AK7: variants seen among roughly 807,000 people sequenced by gnomAD.
AK7 encodes adenylate kinase 7, also known as ATP-AMP transphosphorylase 7.
A neutral mutation model predicts 96.6 loss-of-function variants in AK7; 78 were observed. The observed-to-expected ratio is 0.81, with a 90% CI of 0.67 to 0.97. AK7 has a LOEUF of 0.97. AK7 is among the 50% of genes least tolerant of loss of function. AK7 has a pLI of 0.00. For missense variants in AK7, 855 were observed against 887.9 expected (o/e 0.96, Z 0.47); for synonymous variants, 302 against 317.2 (o/e 0.95, Z 0.51).
intron 7 of AK7, 32 bp from the exon 8 acceptor site, chr14:96,446,485 C>G: frequency 6.3e-7 from 1 of 1,596,670 alleles, no homozygotes; most frequent in Non-Finnish European, 8.6e-7. Flanking sequence ...CGCTTTTTCC[C>G]TTTGATGATT....
chr14:96,453,907 C>A (rs1038469766), intron 10 of AK7, among the ~76,000 whole-genome samples: 5 of 152,120 alleles, frequency 3.3e-5, no homozygotes, highest in Non-Finnish European at 7.3e-5. Flanking sequence ...CACTGCACCT[C>A]TCCAGGGGCC....
Position 96,452,575 on chromosome 14 carries a change from G to A in AK7, c.1098+1005G>A, listed in dbSNP as rs184354693. On this transcript the variant is annotated intron_variant, in intron 10 of 17. Transcript: ENST00000267584. ...TCCTGGCCTCAAGCGATCCGCCTGC[G>A]TTGGCCTCCCAAAGTGCTGGGATTA... is the stretch of plus-strand genomic sequence containing the variant. Among the ~76,000 whole-genome samples the A allele has an allele frequency of 1.2e-3, 185 of 152,286 alleles. 1 individual carries two copies. Among genetic ancestry groups the A allele is most frequent in the African/African-American group, 4.1e-3 (171 of 41,564 alleles).
At chr14:96,457,330 G>A (rs772249311) in intron 11 of AK7, among the ~76,000 whole-genome samples, 1 of 152,072 alleles carries the variant, frequency 6.6e-6, no homozygotes, top group African/African-American at 2.4e-5. Flanking sequence ...CAAAGTGCTG[G>A]GATTACAAGT....
chr14:96,456,259 A>AGC, intron 10 of AK7, 88 bp from the exon 11 acceptor site: 18 of 931,392 alleles, frequency 1.9e-5, no homozygotes, highest in Non-Finnish European at 2.4e-5. Flanking sequence ...AAAAAAAAAA[A>AGC]AAGCACTCCC....
At chr14:96,467,527 A>G (rs980395400) in intron 12 of AK7, among the ~76,000 whole-genome samples, 2 of 152,012 alleles carry the variant, frequency 1.3e-5, no homozygotes, top group African/African-American at 4.8e-5. Flanking sequence ...TAGTAGATAC[A>G]CGGGGTTTCA....
At chr14:96,478,923 T>G (rs1382813494) in intron 15 of AK7, among the ~76,000 whole-genome samples, 12 of 150,158 alleles carry the variant, frequency 8.0e-5, no homozygotes, top group Admixed American at 4.6e-4. Flanking sequence ...TTTTTTTTTG[T>G]GGGGGGATGG....
In AK7 at chr14:96,392,275, G is replaced by GGCA; in HGVS notation, c.105+18_105+19insAGC. ...CATCGGGAAGGTGAGCGGCGGCGGC[G>GGCA]GCCCAGAGCCTCACGCCAGCTCTCA... is the stretch of plus-strand genomic sequence containing the variant. On this transcript the variant is annotated intron_variant, in intron 1 of 17. Transcript: ENST00000267584. 1 of 1,598,474 alleles carries GGCA rather than the reference G, an allele frequency of 6.3e-7. No homozygotes were observed. Among genetic ancestry groups the GGCA allele is most frequent in the Non-Finnish European group, 8.6e-7 (1 of 1,166,446 alleles).
chr14:96,420,933 G>T lies in AK7; in HGVS notation c.609+1G>T. 1 of 1,585,526 alleles carries T rather than the reference G, an allele frequency of 6.3e-7. No homozygotes were observed. The highest frequency in any genetic ancestry group is 8.7e-7 in the Non-Finnish European group (1 of 1,154,460). On this transcript the variant is annotated splice_donor_variant, in intron 5 of 17. Transcript: ENST00000267584. LOFTEE classifies it high-confidence loss of function. ...AATGGTTCTCAAATTTGGAAAAAAGGTAAGTCTGGCATAGTGGAACATGGA... is the reference window on the plus strand; with the variant it reads ...AATGGTTCTCAAATTTGGAAAAAAGTTAAGTCTGGCATAGTGGAACATGGA...
rs1478365239 is a variant in AK7, at chr14:96,486,982, T to C, written c.2059T>C (p.Tyr687His). The C allele has an allele frequency of 1.5e-5, 24 of 1,614,036 alleles. No homozygotes were observed. The highest frequency in any genetic ancestry group is 1.8e-5 in the Non-Finnish European group (21 of 1,179,998). Reference sequence around the variant, plus strand: ...TCCCCTGAGAAACTATTTAATGACCTATGTGATGCCAACTCTTATTCAGGG... The same window carrying C: ...TCCCCTGAGAAACTATTTAATGACCCATGTGATGCCAACTCTTATTCAGGG... ...SIPLRNYLMTYVMPTLIQGLN... is the reference protein window; with the variant it reads ...SIPLRNYLMTHVMPTLIQGLN... Residue 687 changes from tyrosine to histidine, a missense_variant, in exon 17 of 18, where the codon TAT (tyrosine) becomes CAT (histidine). Transcript: ENST00000267584.
intron 7 of AK7, among the ~76,000 whole-genome samples, chr14:96,445,823 T>C (rs537453182): frequency 6.6e-6 from 1 of 152,214 alleles, no homozygotes; most frequent in Non-Finnish European, 1.5e-5. Flanking sequence ...TAGACATCTA[T>C]TCACTGTTGT....
chr14:96,462,919 C>T (rs912253291), intron 12 of AK7, among the ~76,000 whole-genome samples: 2 of 152,054 alleles, frequency 1.3e-5, no homozygotes, highest in African/African-American at 4.8e-5. Context: ...GGGCGGATCA[C>T]GAGGTCAGAA....
intron 5 of AK7, among the ~76,000 whole-genome samples, chr14:96,428,795 C>T (rs4598833): frequency 0.07 from 10,655 of 151,236 alleles, 1,291 homozygotes; most frequent in African/African-American, 0.25. Flanking sequence ...CCTTCGCCCA[C>T]TTTTTGATGG....
At chr14:96,452,483 A>G (rs1893661897) in intron 10 of AK7, among the ~76,000 whole-genome samples, 1 of 151,154 alleles carries the variant, frequency 6.6e-6, no homozygotes, top group Non-Finnish European at 1.5e-5. Context: ...GCACCATCAC[A>G]TCTGGTTAAT....
At position 96,456,312 on chromosome 14, in the gene AK7, G is replaced by A. The variant is rs545656757; in HGVS notation, c.1099-35G>A. ...TCTGTCTAGCTACAGATCATTCAGA[G>A]CTTGCTGTATGTTCCTTACTCTCTC... On this transcript the variant is annotated intron_variant, in intron 10 of 17. Transcript: ENST00000267584. The A allele has an allele frequency of 3.6e-5, 57 of 1,576,810 alleles. No homozygotes were observed. The South Asian group carries it at 5.2e-4, about 14-fold the overall frequency.
intron 17 of AK7, among the ~76,000 whole-genome samples, chr14:96,487,393 A>AG (rs1895834285): frequency 1.4e-5 from 2 of 146,020 alleles, no homozygotes; most frequent in Non-Finnish European, 3.0e-5. Context: ...CAAAAAAAAA[A>AG]AAAAAAAGAA....
At chr14:96,423,906 G>T in intron 5 of AK7, 1 of 1,037,220 alleles carries the variant, frequency 9.6e-7, no homozygotes, top group Non-Finnish European at 1.5e-6. Context: ...CACATAATCC[G>T]GAGAGGACTG....
rs148054558 is a variant in AK7, at chr14:96,442,656, G to A, written c.691-74G>A. On this transcript the variant is annotated intron_variant, in intron 6 of 17. Transcript: ENST00000267584. ...CTAGGCCTTTCAGTTGCCTCTGACT[G>A]TAGACTTATGTGTGAGCTGTAATAG... The A allele has an allele frequency of 7.8e-6, 9 of 1,159,778 alleles. No homozygotes were observed. In the African/African-American group the frequency reaches 1.1e-4, roughly 14 times the overall value. The allele number at this position is 1,159,778 out of a possible 1,614,324, so 71.8% of individuals were successfully genotyped here. A position where few individuals can be genotyped will look rare whatever the true frequency, so the allele number is the denominator to read the frequency against.
intron 13 of AK7, 90 bp from the exon 14 acceptor site, chr14:96,472,597 G>C: frequency 1.1e-6 from 1 of 926,504 alleles, no homozygotes; most frequent in Non-Finnish European, 1.7e-6. Flanking sequence ...TTTCATTAGT[G>C]CTTGCTACTT....
At chr14:96,415,854 CA>C (rs1201264743) in intron 4 of AK7, among the ~76,000 whole-genome samples, 12 of 137,982 alleles carry the variant, frequency 8.7e-5, no homozygotes, top group South Asian at 4.7e-4. Flanking sequence ...AATAATAGGA[CA>C]ATCTTAATAT....
Sources: gnomAD v4.1 joint callset for allele counts (sites outside exome capture counted in the v4.1 genomes callset) on GRCh38, gnomAD v4.1.1 for gene constraint, MANE v1.5 for transcripts, NCBI Gene and HGNC (gene_info 2026-07-23, HGNC 2026-07-21) for gene names.